RASGRP3: variants seen among roughly 807,000 people sequenced by gnomAD.
RASGRP3 encodes the protein RAS guanyl releasing protein 3.
Under a neutral mutation model 82.7 loss-of-function variants are expected in RASGRP3, and 54 were observed. The ratio of observed to expected loss-of-function variants is 0.65; its 90% CI spans 0.52 to 0.82. The LOEUF (loss-of-function observed/expected upper bound fraction) is 0.82. Ranked by LOEUF, RASGRP3 falls within the 40% of genes least tolerant of loss-of-function variation. The pLI is 0.00. For missense variants in RASGRP3, 861 were observed against 828.9 expected (o/e 1.04, Z -0.48); for synonymous variants, 309 against 300.5 (o/e 1.03, Z -0.29).
chr2:33,450,906 C>T (rs374213528), intron 2 of RASGRP3, among the ~76,000 whole-genome samples: 11 of 120,418 alleles, frequency 9.1e-5, no homozygotes, highest in South Asian at 8.6e-4. Context: ...GGCATGATCT[C>T]GGCTCACTGC....
At chr2:33,487,406 T>C (rs545013928) in intron 1 of RASGRP3, among the ~76,000 whole-genome samples, 1 of 152,328 alleles carries the variant, frequency 6.6e-6, no homozygotes, top group African/African-American at 2.4e-5. Flanking sequence ...ATTTTCAAAA[T>C]GTTTAAAAGG....
intron 2 of RASGRP3, among the ~76,000 whole-genome samples, chr2:33,464,806 G>A (rs1666595087): frequency 1.3e-5 from 2 of 152,138 alleles, no homozygotes; most frequent in Admixed American, 1.3e-4. Flanking sequence ...TATTGTAAGT[G>A]TTTTGGGGCA....
chr2:33,557,349 G>A (rs2151112991), intron 15 of RASGRP3, among the ~76,000 whole-genome samples: 1 of 152,322 alleles, frequency 6.6e-6, no homozygotes, highest in South Asian at 2.1e-4. Flanking sequence ...CCCATCTTGT[G>A]TTCTGTTGGA....
chr2:33,438,628 G>A (rs963232324), intron 1 of RASGRP3, among the ~76,000 whole-genome samples: 10 of 151,606 alleles, frequency 6.6e-5, no homozygotes, highest in Non-Finnish European at 1.0e-4. Flanking sequence ...CTTAGAAATT[G>A]CTTAATAGTT....
At chr2:33,552,171 C>A (rs1675438605) in intron 14 of RASGRP3, among the ~76,000 whole-genome samples, 1 of 152,180 alleles carries the variant, frequency 6.6e-6, no homozygotes, top group Non-Finnish European at 1.5e-5. Flanking sequence ...TTGGAGCAGA[C>A]CTGCTGGTGC....
chr2:33,495,756 G>A (rs1248552827), intron 1 of RASGRP3, among the ~76,000 whole-genome samples: 2 of 152,132 alleles, frequency 1.3e-5, no homozygotes, highest in East Asian at 1.9e-4. Context: ...TTCTTTCTCC[G>A]TTTGGAACAA....
At chr2:33,444,377 T>TA (rs1238937297) in intron 1 of RASGRP3, among the ~76,000 whole-genome samples, 1 of 152,186 alleles carries the variant, frequency 6.6e-6, no homozygotes, top group African/African-American at 2.4e-5. Context: ...GCACCCAATA[T>TA]AAAAAACCAC....
intron 9 of RASGRP3, 129 bp from the exon 10 acceptor site, chr2:33,527,008 C>A (rs542215555): frequency 5.2e-6 from 5 of 965,424 alleles, no homozygotes; most frequent in Non-Finnish European, 4.6e-6. Flanking sequence ...TCATATTTCC[C>A]TGCAGCAACA....
At chr2:33,464,486 A>G (rs1666573026) in intron 2 of RASGRP3, among the ~76,000 whole-genome samples, 2 of 146,402 alleles carry the variant, frequency 1.4e-5, no homozygotes, top group South Asian at 4.4e-4. Flanking sequence ...TTTAAAAAAA[A>G]AAAAAAAGAT....
At position 33,515,095 on chromosome 2, in the gene RASGRP3, T is replaced by A; in HGVS notation, c.-42T>A. The A allele has an allele frequency of 1.3e-6, 2 of 1,586,874 alleles. No homozygotes were observed. Among genetic ancestry groups the A allele is most frequent in the Non-Finnish European group, 1.7e-6 (2 of 1,155,228 alleles). ...ATGATTATGGAGATGGTCTATCTGA[T>A]GCTGAAAATGTCTCTAGTTTTTTGA... On this transcript the variant is annotated 5_prime_UTR_variant, in exon 3 of 18. The change abolishes an upstream ATG in the 5' untranslated region. Transcript: ENST00000403687.
At chr2:33,447,423 A>G (rs1665561543) in intron 1 of RASGRP3, among the ~76,000 whole-genome samples, 1 of 148,082 alleles carries the variant, frequency 6.8e-6, no homozygotes, top group African/African-American at 2.4e-5. Flanking sequence ...GAGGTGCCCC[A>G]ACCTTGGAGT....
At position 33,527,403 on chromosome 2, in the gene RASGRP3, C is replaced by T; in HGVS notation, c.1074C>T (p.Asn358=). The T allele has an allele frequency of 6.2e-7, 1 of 1,612,648 alleles. No homozygotes were observed. The highest frequency in any genetic ancestry group is 1.1e-5 in the South Asian group (1 of 90,982). ...TAGAACCCAACATGGATTTGATCAA[C>T]CTGCTCACGGTGAGTTCCAAGGAGC... ...HHLEPNMDLI[N]LLTLSLDLYH... Residue 358 remains asparagine (N), a synonymous_variant, in exon 10 of 18, where the codon AAC becomes AAT. Coordinates refer to ENST00000403687, the MANE Select transcript of RASGRP3 (RefSeq NM_001139488.2).
intron 1 of RASGRP3, among the ~76,000 whole-genome samples, chr2:33,483,454 A>C (rs962192895): frequency 2.7e-5 from 4 of 150,548 alleles, no homozygotes; most frequent in African/African-American, 9.8e-5. Context: ...AATTAAATTC[A>C]TATCTAATCC....
chr2:33,532,407 A>C (rs1673181293), intron 10 of RASGRP3: 1 of 152,142 alleles, frequency 6.6e-6, no homozygotes, highest in Admixed American at 6.5e-5. Context: ...TTATCATCAC[A>C]CATTTTTTTT....
intron 13 of RASGRP3, among the ~76,000 whole-genome samples, chr2:33,545,835 C>G (rs997300031): frequency 6.6e-6 from 1 of 152,038 alleles, no homozygotes. Context: ...GACAGAGTCT[C>G]GTTCTTTTGC....
chr2:33,548,458 C>T (rs1675042388), intron 13 of RASGRP3, among the ~76,000 whole-genome samples: 1 of 150,984 alleles, frequency 6.6e-6, no homozygotes. Context: ...TAGGAAAGTC[C>T]TGAGCGTATT....
chr2:33,468,023 T>A (rs1381545901), intron 2 of RASGRP3, among the ~76,000 whole-genome samples: 1 of 146,370 alleles, frequency 6.8e-6, no homozygotes, highest in African/African-American at 2.7e-5. Flanking sequence ...TTTCTTTCTT[T>A]CTTTCTTTCT....
At chr2:33,489,023 G>A (rs1347324977) in intron 1 of RASGRP3, among the ~76,000 whole-genome samples, 2 of 152,042 alleles carry the variant, frequency 1.3e-5, no homozygotes, top group Non-Finnish European at 2.9e-5. Context: ...TCAACTGAGA[G>A]TGATTTTGCC....
At chr2:33,499,309 G>C (rs561123341) in intron 1 of RASGRP3, among the ~76,000 whole-genome samples, 170 of 152,252 alleles carry the variant, frequency 1.1e-3, no homozygotes, top group African/African-American at 4.0e-3. Flanking sequence ...CTTAATCTCA[G>C]CACTTTGGGA....
Sources: gnomAD v4.1 joint callset for allele counts (sites outside exome capture counted in the v4.1 genomes callset) on GRCh38, gnomAD v4.1.1 for gene constraint, MANE v1.5 for transcripts, NCBI Gene and HGNC (gene_info 2026-07-23, HGNC 2026-07-21) for gene names.